The following CSMD1 variants were observed in gnomAD, a reference collection of about 807,000 sequenced individuals.
The protein encoded by CSMD1 is CUB and Sushi multiple domains 1, also known as CUB and sushi domain-containing protein 1.
A neutral mutation model predicts 417.5 loss-of-function variants in CSMD1; 213 were observed. The ratio of observed to expected loss-of-function variants is 0.51; its 90% CI spans 0.46 to 0.57. The LOEUF (loss-of-function observed/expected upper bound fraction) is 0.57, where lower values mean the gene tolerates loss of function less well. Ranked by LOEUF, CSMD1 falls within the 20% of genes least tolerant of loss-of-function variation. The pLI is 0.00. For synonymous variants in CSMD1, 2,862 were observed against 1,736.8 expected (o/e 1.65, Z -16.11); for missense variants, 6,923 against 4,529.7 (o/e 1.53, Z -15.17).
chr8:3,083,573 T>C (rs2129004190), intron 49 of CSMD1, among the ~76,000 whole-genome samples: 1 of 132,828 alleles, frequency 7.5e-6, no homozygotes, highest in South Asian at 2.5e-4. Context: ...ATATTCCAGG[T>C]CATGCTCTCC....
intron 3 of CSMD1, among the ~76,000 whole-genome samples, chr8:4,338,274 G>C (rs925867034): frequency 2.0e-5 from 3 of 152,116 alleles, no homozygotes; most frequent in Non-Finnish European, 2.9e-5. Flanking sequence ...TTGAGTAAGT[G>C]CAAGAGTTCA....
At chr8:3,112,661 G>A (rs909018112) in intron 42 of CSMD1, among the ~76,000 whole-genome samples, 5 of 152,176 alleles carry the variant, frequency 3.3e-5, no homozygotes, top group Admixed American at 1.3e-4. Flanking sequence ...ATGCCATAGT[G>A]AACCGTAGAG....
In CSMD1 at chr8:2,942,611, G is replaced by A. The variant is rs755968988; in HGVS notation, c.10403-7C>T. 1.0e-5 allele frequency: 16 copies of A among 1,552,848 alleles called. No homozygotes were observed. The highest frequency in any genetic ancestry group is 2.0e-5 in the Admixed American group (1 of 49,824). On this transcript the variant is annotated splice_polypyrimidine_tract_variant and splice_region_variant and intron_variant, in intron 68 of 69. Coordinates refer to ENST00000635120, the MANE Select transcript of CSMD1 (RefSeq NM_033225.6). ...TGATCTGGGTTTAAAGGATCTGTAAGATAAAGGAAATATTAAATTTGTTGT... is the reference window on the plus strand; with the variant it reads ...TGATCTGGGTTTAAAGGATCTGTAAAATAAAGGAAATATTAAATTTGTTGT...
intron 1 of CSMD1, among the ~76,000 whole-genome samples, chr8:4,701,950 C>G (rs890662672): frequency 6.6e-6 from 1 of 152,156 alleles, no homozygotes; most frequent in Non-Finnish European, 1.5e-5. Context: ...GAGATCATGT[C>G]CTTTGCAGGG....
At chr8:4,691,481 T>C (rs1806765703) in intron 1 of CSMD1, among the ~76,000 whole-genome samples, 1 of 152,216 alleles carries the variant, frequency 6.6e-6, no homozygotes, top group South Asian at 2.1e-4. Flanking sequence ...ACTCTCCGCC[T>C]GTGAAGGTTA....
intron 5 of CSMD1, among the ~76,000 whole-genome samples, chr8:3,797,703 T>A (rs1800236321): frequency 6.6e-6 from 1 of 151,982 alleles, no homozygotes; most frequent in Admixed American, 6.6e-5. Flanking sequence ...TTTTGGCTAA[T>A]ACAAACAAAG....
intron 4 of CSMD1, among the ~76,000 whole-genome samples, chr8:4,023,187 G>A (rs968904011): frequency 1.3e-5 from 2 of 152,196 alleles, no homozygotes; most frequent in Admixed American, 6.5e-5. Context: ...CCAGTGCAAT[G>A]TTGCAGGCTA....
In CSMD1 at chr8:4,728,759, GA is replaced by G. The variant is rs144873379; in HGVS notation, c.86-91202del. Among the ~76,000 whole-genome samples the G allele has an allele frequency of 4.4e-3, 650 of 148,592 alleles. 14 individuals are homozygous for G. In the East Asian group the frequency reaches 0.075, roughly 17 times the overall value. On this transcript the variant is annotated intron_variant, in intron 1 of 69. Coordinates refer to ENST00000635120, the MANE Select transcript of CSMD1 (RefSeq NM_033225.6). ...CAATTAATATTTCTAAATGTCTGCT[GA>G]AAAAAAAAATAACCAGATGTCTGCT...
At chr8:4,431,864 A>T (rs1797888841) in intron 2 of CSMD1, among the ~76,000 whole-genome samples, 1 of 152,218 alleles carries the variant, frequency 6.6e-6, no homozygotes. Context: ...TCTTGGTGGA[A>T]TAAAATTTAT....
intron 12 of CSMD1, among the ~76,000 whole-genome samples, chr8:3,430,254 CATT>C (rs1814132124): frequency 6.6e-6 from 1 of 152,058 alleles, no homozygotes; most frequent in Non-Finnish European, 1.5e-5. Context: ...GTTATTACAT[CATT>C]ATTATCAATA....
At chr8:3,961,021 T>TC (rs1217117435) in intron 5 of CSMD1, among the ~76,000 whole-genome samples, 2 of 151,944 alleles carry the variant, frequency 1.3e-5, no homozygotes, top group Non-Finnish European at 2.9e-5. Flanking sequence ...ATTGTACAAT[T>TC]CCCATTTTAA....
chr8:4,587,453 A>G (rs1305311565), intron 2 of CSMD1, among the ~76,000 whole-genome samples: 4 of 151,566 alleles, frequency 2.6e-5, no homozygotes, highest in Non-Finnish European at 4.4e-5. Flanking sequence ...ATATGTACAT[A>G]TATATGTATA....
intron 5 of CSMD1, among the ~76,000 whole-genome samples, chr8:3,805,115 G>T (rs1206094225): frequency 6.6e-6 from 1 of 152,114 alleles, no homozygotes; most frequent in Non-Finnish European, 1.5e-5. Flanking sequence ...GAATGGGAAG[G>T]GGTCTAGAAT....
intron 18 of CSMD1, among the ~76,000 whole-genome samples, chr8:3,372,410 A>T (rs1456431082): frequency 1.3e-5 from 2 of 152,080 alleles, no homozygotes; most frequent in African/African-American, 4.8e-5. Flanking sequence ...CTCATGACCT[A>T]CCTGGGGTTT....
chr8:3,378,394 T>C (rs1230383686), intron 18 of CSMD1, among the ~76,000 whole-genome samples: 1 of 152,064 alleles, frequency 6.6e-6, no homozygotes, highest in South Asian at 2.1e-4. Context: ...CCTAACTCAT[T>C]TTATGAGGGC....
chr8:3,284,985 T>G (rs1029299426), intron 25 of CSMD1, among the ~76,000 whole-genome samples: 3 of 152,170 alleles, frequency 2.0e-5, no homozygotes, highest in African/African-American at 7.2e-5. Context: ...TTTTTCAGAG[T>G]GACTTAAAAA....
intron 3 of CSMD1, among the ~76,000 whole-genome samples, chr8:4,179,842 G>A (rs562999436): frequency 3.2e-4 from 49 of 152,234 alleles, no homozygotes; most frequent in African/African-American, 1.2e-3. Context: ...CATCATCACT[G>A]GCCATCAGAG....
At chr8:4,447,238 G>T (rs1798869519) in intron 2 of CSMD1, among the ~76,000 whole-genome samples, 1 of 152,166 alleles carries the variant, frequency 6.6e-6, no homozygotes, top group African/African-American at 2.4e-5. Flanking sequence ...TTGCCTGATG[G>T]ATGCTTACGT....
chr8:4,612,891 C>G (rs1801259610), intron 2 of CSMD1, among the ~76,000 whole-genome samples: 1 of 152,172 alleles, frequency 6.6e-6, no homozygotes, highest in Non-Finnish European at 1.5e-5. Flanking sequence ...CTTTCTTATG[C>G]TTTCCTGAAC....
Sources: gnomAD v4.1 joint callset for allele counts (sites outside exome capture counted in the v4.1 genomes callset) on GRCh38, gnomAD v4.1.1 for gene constraint, MANE v1.5 for transcripts, NCBI Gene and HGNC (gene_info 2026-07-23, HGNC 2026-07-21) for gene names.